Variants in TMTC2 observed in about 807,000 individuals in gnomAD.
TMTC2 encodes the protein transmembrane O-mannosyltransferase targeting cadherins 2.
A neutral mutation model predicts 82.4 loss-of-function variants in TMTC2; 43 were observed. The ratio of observed to expected loss-of-function variants is 0.52; its 90% CI spans 0.41 to 0.67. TMTC2 has a LOEUF of 0.67. Among genes scored for constraint, TMTC2 ranks in the 30% least tolerant of loss-of-function variants. TMTC2 has a pLI of 0.00. For synonymous variants in TMTC2, 408 were observed against 381.9 expected (o/e 1.07, Z -0.80); for missense variants, 919 against 1,012.4 (o/e 0.91, Z 1.25).
At chr12:83,110,964 T>G (rs192677902) in intron 11 of TMTC2, among the ~76,000 whole-genome samples, 59 of 152,342 alleles carry the variant, frequency 3.9e-4, no homozygotes, top group Non-Finnish European at 7.3e-4. Flanking sequence ...ACTACTAAAC[T>G]GAATTCCTGA....
intron 1 of TMTC2, among the ~76,000 whole-genome samples, chr12:82,707,090 T>A (rs140873230): frequency 2.0e-5 from 3 of 152,244 alleles, no homozygotes; most frequent in Non-Finnish European, 4.4e-5. Flanking sequence ...AACAAAATAC[T>A]ATAAACTAGG....
chr12:82,921,756 G>A (rs1187318402), intron 3 of TMTC2, among the ~76,000 whole-genome samples: 1 of 152,044 alleles, frequency 6.6e-6, no homozygotes, highest in Non-Finnish European at 1.5e-5. Flanking sequence ...ATTATATCCA[G>A]GGTTGAAAGT....
At chr12:82,800,874 G>A (rs1332656049) in intron 1 of TMTC2, among the ~76,000 whole-genome samples, 1 of 152,128 alleles carries the variant, frequency 6.6e-6, no homozygotes, top group Non-Finnish European at 1.5e-5. Context: ...CCTGTTGATT[G>A]TACATCATTA....
chr12:83,094,525 A>G (rs1883956920), intron 11 of TMTC2, among the ~76,000 whole-genome samples: 1 of 152,168 alleles, frequency 6.6e-6, no homozygotes, highest in Admixed American at 6.5e-5. Flanking sequence ...AAGTAATACA[A>G]TTGAGAGATA....
chr12:83,092,770 A>AT (rs1883885651), intron 11 of TMTC2, among the ~76,000 whole-genome samples: 1 of 152,220 alleles, frequency 6.6e-6, no homozygotes, highest in Admixed American at 6.5e-5. Context: ...CCTCTAGCAA[A>AT]TAGTGTCAAG....
intron 9 of TMTC2, among the ~76,000 whole-genome samples, chr12:83,031,138 G>T (rs1881414994): frequency 6.6e-6 from 1 of 152,078 alleles, no homozygotes; most frequent in Non-Finnish European, 1.5e-5. Context: ...GTTCAGTGTG[G>T]AGTTTAAATG....
chr12:82,780,718 G>C (rs1054755943), intron 1 of TMTC2, among the ~76,000 whole-genome samples: 1 of 151,800 alleles, frequency 6.6e-6, no homozygotes, highest in Non-Finnish European at 1.5e-5. Context: ...AAATGTGTTT[G>C]TATTCTCAGA....
chr12:82,792,354 G>C (rs534289225), intron 1 of TMTC2, among the ~76,000 whole-genome samples: 3 of 151,910 alleles, frequency 2.0e-5, no homozygotes, highest in African/African-American at 7.3e-5. Context: ...TCATGATGTT[G>C]AGCAACCATC....
chr12:82,895,791 T>C, intron 2 of TMTC2, 27 bp from the exon 3 acceptor site: 1 of 1,568,032 alleles, frequency 6.4e-7, no homozygotes, highest in Non-Finnish European at 8.6e-7. Context: ...ATAATCTTAA[T>C]TTTTCCCTTC....
intron 8 of TMTC2, among the ~76,000 whole-genome samples, chr12:83,004,782 C>A (rs1163631151): frequency 1.0e-5 from 1 of 96,898 alleles, no homozygotes; most frequent in Admixed American, 1.7e-4. Flanking sequence ...AGGGGTAGGG[C>A]GGTGTAATTC....
intron 2 of TMTC2, among the ~76,000 whole-genome samples, chr12:82,875,916 A>G (rs1361487857): frequency 2.0e-5 from 3 of 151,620 alleles, no homozygotes; most frequent in African/African-American, 4.8e-5. Context: ...AAAAAAAAAA[A>G]AAAAGAAAGA....
chr12:82,958,571 A>T (rs1338496386), intron 4 of TMTC2, among the ~76,000 whole-genome samples: 1 of 152,100 alleles, frequency 6.6e-6, no homozygotes, highest in Non-Finnish European at 1.5e-5. Context: ...AGTAAAATTA[A>T]AAACAAGAAT....
rs141990750 is a variant in TMTC2, at chr12:82,930,970, G to A, written c.1598+425G>A. On this transcript the variant is annotated intron_variant, in intron 4 of 11. Coordinates refer to ENST00000321196, the MANE Select transcript of TMTC2 (RefSeq NM_152588.3). ...GCGGCCTAGGCTAGAGTGCAGAGAC[G>A]CTGTCATAGCTTGCTGCAGCCTCAA... Among the ~76,000 whole-genome samples the A allele has an allele frequency of 2.9e-3, 438 of 152,162 alleles. 4 individuals carry two copies. Among genetic ancestry groups the A allele is most frequent in the African/African-American group, 9.9e-3 (410 of 41,518 alleles).
At chr12:82,690,297 T>G (rs1303788652) in intron 1 of TMTC2, 1 of 826,596 alleles carries the variant, frequency 1.2e-6, no homozygotes, top group African/African-American at 1.8e-5. Flanking sequence ...CTGTGGATTC[T>G]GCTGCCCTCC....
At chr12:82,761,967 CTTTTTT>C (rs55750088) in intron 1 of TMTC2, among the ~76,000 whole-genome samples, 2 of 74,622 alleles carry the variant, frequency 2.7e-5, no homozygotes, top group Non-Finnish European at 5.2e-5. Flanking sequence ...TTTCCCTTTC[CTTTTTT>C]TTTTTTTTTT....
chr12:83,083,390 C>A (rs1307145983), intron 11 of TMTC2, among the ~76,000 whole-genome samples: 1 of 152,164 alleles, frequency 6.6e-6, no homozygotes, highest in African/African-American at 2.4e-5. Flanking sequence ...AATACCTGCT[C>A]AAATAGCATC....
intron 1 of TMTC2, among the ~76,000 whole-genome samples, chr12:82,769,214 T>G (rs1007813854): frequency 6.6e-6 from 1 of 151,980 alleles, no homozygotes; most frequent in African/African-American, 2.4e-5. Flanking sequence ...GGCTCACTCC[T>G]GTAATCCCAG....
In TMTC2 at chr12:83,109,262, G is replaced by A. The variant is rs537606023; in HGVS notation, c.2332-22948G>A. ...TCAATTATGGCGGAAGGTGAAGAGA[G>A]AGAAAGAGAGGTGCCACATACTTTT... is the stretch of plus-strand genomic sequence containing the variant. On this transcript the variant is annotated intron_variant, in intron 11 of 11. Coordinates refer to ENST00000321196, the MANE Select transcript of TMTC2 (RefSeq NM_152588.3). 9.8e-5 allele frequency among the ~76,000 whole-genome samples: 15 copies of A among 152,298 alleles called. No individual in the cohort carries two copies. In the East Asian group the frequency reaches 2.9e-3, roughly 29 times the overall value.
chr12:82,760,762 T>G, intron 1 of TMTC2: 1 of 256,986 alleles, frequency 3.9e-6, no homozygotes, highest in Non-Finnish European at 8.1e-6. Flanking sequence ...CATTAGATTC[T>G]CATAGGGTGC....
Sources: gnomAD v4.1 joint callset for allele counts (sites outside exome capture counted in the v4.1 genomes callset) on GRCh38, gnomAD v4.1.1 for gene constraint, MANE v1.5 for transcripts, NCBI Gene and HGNC (gene_info 2026-07-23, HGNC 2026-07-21) for gene names.